The following ZNF366 variants were observed in gnomAD, a reference collection of about 807,000 sequenced individuals.
The protein encoded by ZNF366 is dendritic cell-specific transcript protein.
Under a neutral mutation model 47.2 loss-of-function variants are expected in ZNF366, and 20 were observed. The observed-to-expected ratio is 0.42, with a 90% CI of 0.30 to 0.62. The LOEUF (loss-of-function observed/expected upper bound fraction) is 0.62. ZNF366 is among the 20% of genes least tolerant of loss of function. The probability of loss-of-function intolerance (pLI) is 0.16; values close to 1 mark genes in which losing one functional copy is unlikely to be tolerated. For missense variants in ZNF366, 987 were observed against 976.3 expected (o/e 1.01, Z -0.15); for synonymous variants, 421 against 395.1 (o/e 1.07, Z -0.78).
intron 1 of ZNF366, among the ~76,000 whole-genome samples, chr5:72,493,816 A>T (rs1162163552): frequency 6.6e-6 from 1 of 151,702 alleles, no homozygotes; most frequent in Non-Finnish European, 1.5e-5. Context: ...GTTCAGTGGC[A>T]TGATCTCAGC....
intron 1 of ZNF366, among the ~76,000 whole-genome samples, chr5:72,503,258 A>G (rs1258459169): frequency 2.0e-5 from 3 of 152,216 alleles, no homozygotes; most frequent in Admixed American, 1.3e-4. Flanking sequence ...TCCTTATTCC[A>G]TAATACTAAT....
chr5:72,480,247 T>G (rs1247627007), intron 1 of ZNF366, among the ~76,000 whole-genome samples: 1 of 152,194 alleles, frequency 6.6e-6, no homozygotes, highest in Non-Finnish European at 1.5e-5. Flanking sequence ...GAAAGCCAAT[T>G]AAGACACTGA....
At position 72,456,372 on chromosome 5, in the gene ZNF366, C is replaced by A. The variant is rs372424147; in HGVS notation, c.1524+32G>T. 3.7e-4 allele frequency: 584 copies of A among 1,564,926 alleles called. 4 individuals carry two copies. Among genetic ancestry groups the A allele is most frequent in the South Asian group, 2.2e-3 (183 of 84,030 alleles). On this transcript the variant is annotated intron_variant, in intron 3 of 4. Coordinates refer to ENST00000318442, the MANE Select transcript of ZNF366 (RefSeq NM_152625.3). Reference sequence around the variant, plus strand: ...CCTTTCCCATCAGGCATTTGCACAACCCTCTGGTTCCTCTCTAGTCCCACT... The same window carrying A: ...CCTTTCCCATCAGGCATTTGCACAAACCTCTGGTTCCTCTCTAGTCCCACT...
chr5:72,448,938 GCT>G (rs1445611846), intron 3 of ZNF366, among the ~76,000 whole-genome samples: 3 of 152,116 alleles, frequency 2.0e-5, no homozygotes, highest in Non-Finnish European at 4.4e-5. Context: ...CCTCACTTTT[GCT>G]CTCTCTTACT....
Position 72,447,267 on chromosome 5 carries a change from T to C in ZNF366, c.1675A>G (p.Met559Val), listed in dbSNP as rs777879743. ...TRHMKVKHGV[M>V]ERGLHSQGLG... ...CCTTGGGAATGAAGGCCCCGCTCCA[T>C]GACTCCATGCTTGACTTTCATGTGG... The change falls in exon 4 of 5, where the codon ATG (methionine) becomes GTG (valine). Residue 559 changes from methionine (M) to valine (V), a missense_variant. Met to Val is a conservative substitution (Grantham distance 21). Coordinates refer to ENST00000318442, the MANE Select transcript of ZNF366 (RefSeq NM_152625.3). 5 of 1,614,220 alleles carry C rather than the reference T, an allele frequency of 3.1e-6. No individual in the cohort carries two copies. Among genetic ancestry groups the C allele is most frequent in the Non-Finnish European group, 1.7e-6 (2 of 1,180,014 alleles).
At chr5:72,503,511 G>A (rs1261756420) in intron 1 of ZNF366, among the ~76,000 whole-genome samples, 1 of 150,876 alleles carries the variant, frequency 6.6e-6, no homozygotes, top group East Asian at 2.0e-4. Flanking sequence ...CTATAAACAA[G>A]CCCGTAGGTG....
intron 3 of ZNF366, among the ~76,000 whole-genome samples, chr5:72,447,930 T>G (rs1742991430): frequency 6.6e-6 from 1 of 152,124 alleles, no homozygotes; most frequent in African/African-American, 2.4e-5. Context: ...ATACAAGTGG[T>G]GGGTGCTGAA....
At chr5:72,485,166 A>C (rs548141771) in intron 1 of ZNF366, among the ~76,000 whole-genome samples, 12 of 152,356 alleles carry the variant, frequency 7.9e-5, no homozygotes, top group African/African-American at 2.9e-4. Context: ...AAATGCGGAA[A>C]AAATATTTTT....
chr5:72,463,658 G>A (rs1224686449), intron 1 of ZNF366, among the ~76,000 whole-genome samples: 3 of 152,220 alleles, frequency 2.0e-5, no homozygotes, highest in Non-Finnish European at 2.9e-5. Flanking sequence ...AGCTTTATGA[G>A]ACCCGGAGGG....
rs997611958 is a variant in ZNF366 at position 72,440,074 on chromosome 5, T to G, written c.*3682A>C. On this transcript the variant is annotated 3_prime_UTR_variant, in exon 5 of 5. Coordinates refer to ENST00000318442, the MANE Select transcript of ZNF366 (RefSeq NM_152625.3). ...CAGAGTTCTGTACAAAATCAACATT[T>G]GGTGTAATGTTGTCCAAATATGCGA... 1 of 152,258 alleles carries G rather than the reference T, an allele frequency of 6.6e-6. No individual in the cohort carries two copies. The highest frequency in any genetic ancestry group is 1.5e-5 in the Non-Finnish European group (1 of 68,046). 9.4% of individuals were successfully genotyped at this position (152,258 alleles called of 1,614,324 possible).
Position 72,464,309 on chromosome 5 carries a change from G to A in ZNF366, c.-14-2799C>T, listed in dbSNP as rs556406761. On this transcript the variant is annotated intron_variant, in intron 1 of 4. Coordinates refer to ENST00000318442, the MANE Select transcript of ZNF366 (RefSeq NM_152625.3). Reference sequence around the variant, plus strand: ...CTGTAGCTTATACTGGAAAGCTACCGACTTGGAATGGAATGTTATCACTAA... The same window carrying A: ...CTGTAGCTTATACTGGAAAGCTACCAACTTGGAATGGAATGTTATCACTAA... Among the ~76,000 whole-genome samples, 82 of 152,270 alleles carry A rather than the reference G, an allele frequency of 5.4e-4. 1 individual carries two copies. Among genetic ancestry groups the A allele is most frequent in the African/African-American group, 1.9e-3 (78 of 41,550 alleles).
chr5:72,486,369 T>G (rs1215791469), intron 1 of ZNF366, among the ~76,000 whole-genome samples: 1 of 152,200 alleles, frequency 6.6e-6, no homozygotes, highest in Non-Finnish European at 1.5e-5. Context: ...GGAGGCTCCT[T>G]GCACTCAGAT....
At chr5:72,470,088 G>A (rs1350325349) in intron 1 of ZNF366, among the ~76,000 whole-genome samples, 1 of 152,116 alleles carries the variant, frequency 6.6e-6, no homozygotes, top group Non-Finnish European at 1.5e-5. Flanking sequence ...GCTATCAGTG[G>A]ACAAGATCAT....
chr5:72,455,413 G>A (rs139299608), intron 3 of ZNF366, among the ~76,000 whole-genome samples: 1 of 152,272 alleles, frequency 6.6e-6, no homozygotes, highest in East Asian at 1.9e-4. Context: ...GTACCCAGTA[G>A]CAGAGAGAAA....
At chr5:72,496,123 A>C (rs1284578329) in intron 1 of ZNF366, among the ~76,000 whole-genome samples, 1 of 152,114 alleles carries the variant, frequency 6.6e-6, no homozygotes, top group Non-Finnish European at 1.5e-5. Flanking sequence ...AGCTTTATTG[A>C]GGTATAATTT....
chr5:72,449,392 C>T (rs1419044820), intron 3 of ZNF366, among the ~76,000 whole-genome samples: 5 of 152,076 alleles, frequency 3.3e-5, no homozygotes, highest in Non-Finnish European at 7.4e-5. Flanking sequence ...ACTACAGGCG[C>T]CTGGCTAATT....
chr5:72,447,115 G>T, intron 4 of ZNF366, 128 bp downstream of exon 4: 3 of 1,026,042 alleles, frequency 2.9e-6, no homozygotes, highest in Non-Finnish European at 4.2e-6. Flanking sequence ...AACATTATAA[G>T]GTTACTCTTG....
chr5:72,503,423 A>G (rs772822822), intron 1 of ZNF366, among the ~76,000 whole-genome samples: 2 of 152,114 alleles, frequency 1.3e-5, no homozygotes, highest in African/African-American at 4.8e-5. Flanking sequence ...GACACTGACC[A>G]TCTGTTTTGG....
At chr5:72,503,864 T>C (rs1442668849) in intron 1 of ZNF366, among the ~76,000 whole-genome samples, 3 of 152,238 alleles carry the variant, frequency 2.0e-5, no homozygotes, top group African/African-American at 7.2e-5. Context: ...CTTTGGTTAT[T>C]GGTGGTAGAT....
Sources: allele counts gnomAD v4.1 joint callset (sites outside exome capture counted in the v4.1 genomes callset), GRCh38; gene constraint gnomAD v4.1.1; transcripts MANE v1.5; gene names NCBI Gene and HGNC (gene_info 2026-07-23, HGNC 2026-07-21).